PRPF18: variants seen among roughly 807,000 people sequenced by gnomAD.
The protein encoded by PRPF18 is pre-mRNA-splicing factor 18.
PRPF18 carries 38 observed loss-of-function variants against 46.5 expected under a neutral mutation model. The ratio of observed to expected loss-of-function variants is 0.82; its 90% CI spans 0.63 to 1.07. The LOEUF (loss-of-function observed/expected upper bound fraction) is 1.07. Among genes scored for constraint, PRPF18 ranks in the 50% least tolerant of loss-of-function variants. The pLI is 0.00. For missense variants in PRPF18, 263 were observed against 410.0 expected, an observed-to-expected ratio of 0.64 and a Z score of 3.10; for synonymous variants, 152 against 146.7, an observed-to-expected ratio of 1.04 and a Z score of -0.26.
chr10:13,597,603 T>C, intron 2 of PRPF18, 68 bp downstream of exon 2: 2 of 1,601,022 alleles, frequency 1.2e-6, no homozygotes, highest in Non-Finnish European at 1.7e-6. Context: ...TGTTGTTAAA[T>C]GACAATCATT....
intron 6 of PRPF18, among the ~76,000 whole-genome samples, chr10:13,612,904 AGAGT>A (rs1387364303): frequency 6.6e-6 from 1 of 152,172 alleles, no homozygotes; most frequent in Non-Finnish European, 1.5e-5. Flanking sequence ...TGGTCTAGAT[AGAGT>A]ATGAACAAAT....
the PRPF18 span, chr10:13,652,063 T>C: frequency 2.5e-6 from 2 of 792,916 alleles, no homozygotes; most frequent in Admixed American, 3.5e-5. Flanking sequence ...TAGTAGCTTA[T>C]TAATATATCC....
At chr10:13,609,845 G>T (rs1411338445) in intron 4 of PRPF18, among the ~76,000 whole-genome samples, 194 bp from the exon 5 acceptor site, 2 of 152,132 alleles carry the variant, frequency 1.3e-5, no homozygotes, top group East Asian at 3.8e-4. Flanking sequence ...AATTTAAATA[G>T]GTCCGTAAGA....
At chr10:13,652,174 A>G in the PRPF18 span, 1 of 599,246 alleles carries the variant, frequency 1.7e-6, no homozygotes, top group Non-Finnish European at 3.0e-6. Context: ...GTTTGTTAGG[A>G]GGGACGGGCC....
intron 4 of PRPF18, among the ~76,000 whole-genome samples, chr10:13,606,521 G>T (rs1181999600): frequency 6.6e-6 from 1 of 152,126 alleles, no homozygotes; most frequent in Non-Finnish European, 1.5e-5. Flanking sequence ...TGGATCACAA[G>T]GTGAAGAGAT....
At chr10:13,608,800 T>C (rs948203335) in intron 4 of PRPF18, among the ~76,000 whole-genome samples, 2 of 152,228 alleles carry the variant, frequency 1.3e-5, no homozygotes, top group African/African-American at 4.8e-5. Context: ...TCTAGAGGTT[T>C]TGAGGACAAA....
At chr10:13,600,471 G>A in intron 3 of PRPF18, 123 bp downstream of exon 3, 1 of 654,850 alleles carries the variant, frequency 1.5e-6, no homozygotes, top group Non-Finnish European at 2.4e-6. Context: ...TAAAAATGCT[G>A]TGCAGCTAGT....
At chr10:13,621,792 A>G (rs897613033) in intron 9 of PRPF18, among the ~76,000 whole-genome samples, 2 of 152,198 alleles carry the variant, frequency 1.3e-5, no homozygotes, top group Non-Finnish European at 2.9e-5. Flanking sequence ...CTATAATATT[A>G]TTCTCTGGCA....
intron 5 of PRPF18, among the ~76,000 whole-genome samples, chr10:13,610,880 A>T (rs2080259783): frequency 6.6e-6 from 1 of 152,238 alleles, no homozygotes; most frequent in African/African-American, 2.4e-5. Context: ...AACGCTTGGC[A>T]ATATCTTGCT....
the PRPF18 span, chr10:13,636,924 G>A: frequency 2.6e-5 from 4 of 152,088 alleles, no homozygotes; most frequent in Admixed American, 2.0e-4. Flanking sequence ...AAAGAACCCC[G>A]TTTGCCTGTG....
In PRPF18 at chr10:13,630,271, G is replaced by A. The variant is rs767817828; in HGVS notation, c.960G>A (p.Arg320=). The part of the protein sequence containing the change: ...TQRKYIQGLK[R]LMTICQKHFP... Reference sequence around the variant, plus strand: ...CCTTATTTTCTTAGGGATTGAAGAGGTTAATGACCATTTGCCAGAAACACT... The same window carrying A: ...CCTTATTTTCTTAGGGATTGAAGAGATTAATGACCATTTGCCAGAAACACT... Residue 320 remains arginine, a synonymous_variant, in exon 10 of 10, where the codon AGG becomes AGA. Coordinates refer to ENST00000378572, the MANE Select transcript of PRPF18 (RefSeq NM_003675.4). 1.2e-6 allele frequency: 2 copies of A among 1,610,092 alleles called. No individual in the cohort carries two copies. Among genetic ancestry groups the A allele is most frequent in the East Asian group, 2.2e-5 (1 of 44,832 alleles).
chr10:13,593,503 G>A (rs2079992892), intron 1 of PRPF18, among the ~76,000 whole-genome samples: 1 of 152,194 alleles, frequency 6.6e-6, no homozygotes, highest in Non-Finnish European at 1.5e-5. Context: ...GTAAGGAAGT[G>A]GACACGGATT....
chr10:13,642,729 T>A, the PRPF18 span: 1 of 152,198 alleles, frequency 6.6e-6, no homozygotes, highest in South Asian at 2.1e-4. Flanking sequence ...GGGCCCTTTG[T>A]CTTTTTTCAA....
the PRPF18 span, chr10:13,651,663 ACT>A: frequency 4.7e-5 from 24 of 514,802 alleles, 1 homozygote; most frequent in Middle Eastern, 3.1e-3. Context: ...ACAGAACAAG[ACT>A]CTGTCTCAAA....
chr10:13,597,418 T>G (rs759947146), intron 1 of PRPF18, 40 bp from the exon 2 acceptor site: 1 of 1,427,660 alleles, frequency 7.0e-7, no homozygotes, highest in Non-Finnish European at 9.5e-7. Flanking sequence ...GAAATTTTGC[T>G]CAAGGATATA....
chr10:13,612,106 C>T (rs992898497), intron 6 of PRPF18, among the ~76,000 whole-genome samples: 1 of 152,128 alleles, frequency 6.6e-6, no homozygotes, highest in Non-Finnish European at 1.5e-5. Context: ...TCTTGAACTC[C>T]TGACCTCAGG....
chr10:13,648,337 A>C, the PRPF18 span: 1 of 152,230 alleles, frequency 6.6e-6, no homozygotes, highest in African/African-American at 2.4e-5. Context: ...CTCCACCCTA[A>C]GCTGACTTTT....
At chr10:13,587,284 C>T (rs2079887922) in intron 1 of PRPF18, 132 bp downstream of exon 1, 2 of 920,746 alleles carry the variant, frequency 2.2e-6, no homozygotes, top group Non-Finnish European at 3.5e-6. Flanking sequence ...TGCCACTACC[C>T]CTGGTAGGCC....
intron 9 of PRPF18, among the ~76,000 whole-genome samples, chr10:13,619,538 T>C (rs1366336482): frequency 6.6e-6 from 1 of 152,190 alleles, no homozygotes; most frequent in African/African-American, 2.4e-5. Context: ...TAGAGGCCAT[T>C]GCTTAAACCT....
Sources: allele counts gnomAD v4.1 joint callset (sites outside exome capture counted in the v4.1 genomes callset), GRCh38; gene constraint gnomAD v4.1.1; transcripts MANE v1.5; gene names NCBI Gene and HGNC (gene_info 2026-07-23, HGNC 2026-07-21).